PRIM2: variants seen among roughly 807,000 people sequenced by gnomAD.
The protein encoded by PRIM2 is DNA primase subunit 2, also known as DNA primase large subunit.
Under a neutral mutation model 67.3 loss-of-function variants are expected in PRIM2, and 39 were observed. The observed-to-expected ratio is 0.58, with a 90% CI of 0.45 to 0.76. The LOEUF (loss-of-function observed/expected upper bound fraction) is 0.76. Among genes scored for constraint, PRIM2 ranks in the 30% least tolerant of loss-of-function variants. PRIM2 has a pLI of 0.00. For missense variants in PRIM2, 398 were observed against 598.7 expected (o/e 0.66, Z 3.50); for synonymous variants, 143 against 198.7 (o/e 0.72, Z 2.36).
the PRIM2 span, among the ~76,000 whole-genome samples, chr6:57,251,642 G>A: frequency 6.6e-6 from 1 of 152,076 alleles, no homozygotes; most frequent in South Asian, 2.1e-4. Flanking sequence ...TGTGGGTTGG[G>A]GCCATTTATA....
At chr6:57,298,458 C>T in the PRIM2 span, among the ~76,000 whole-genome samples, 10 of 151,884 alleles carry the variant, frequency 6.6e-5, no homozygotes, top group South Asian at 2.1e-4. Context: ...GAGGGAATGA[C>T]GAGAACAAAG....
At chr6:57,556,933 C>CA (rs1157012977) in intron 10 of PRIM2, among the ~76,000 whole-genome samples, 8 of 141,416 alleles carry the variant, frequency 5.7e-5, no homozygotes, top group South Asian at 2.3e-4. Context: ...AAAAGAAAAA[C>CA]AAAAAAAAGT....
chr6:57,525,073 C>T (rs1774718047), intron 8 of PRIM2, among the ~76,000 whole-genome samples: 1 of 151,922 alleles, frequency 6.6e-6, no homozygotes, highest in Non-Finnish European at 1.5e-5. Context: ...CCCCTGCCCA[C>T]CTGCCTTTGC....
At chr6:57,326,135 C>G (rs1317559777) in intron 5 of PRIM2, 90 bp downstream of exon 5, 3 of 1,415,842 alleles carry the variant, frequency 2.1e-6, no homozygotes, top group Non-Finnish European at 2.9e-6. Flanking sequence ...GTAGTGTGTT[C>G]TCTTTACATT....
At chr6:57,487,946 A>C (rs1773792107) in intron 7 of PRIM2, among the ~76,000 whole-genome samples, 1 of 152,178 alleles carries the variant, frequency 6.6e-6, no homozygotes, top group South Asian at 2.1e-4. Flanking sequence ...TGTTCCCTTC[A>C]TTTATTAATT....
At chr6:57,388,461 T>C (rs1770223401) in intron 7 of PRIM2, among the ~76,000 whole-genome samples, 1 of 152,186 alleles carries the variant, frequency 6.6e-6, no homozygotes, top group African/African-American at 2.4e-5. Flanking sequence ...AGCATAATGA[T>C]GATGATGATG....
intron 7 of PRIM2, among the ~76,000 whole-genome samples, chr6:57,464,289 T>C (rs1773111191): frequency 1.3e-5 from 2 of 151,324 alleles, no homozygotes; most frequent in Non-Finnish European, 3.0e-5. Context: ...CCTTTTCTTT[T>C]CCCCCCGAGA....
chr6:57,646,255 A>T lies in PRIM2; in HGVS notation c.*97A>T. The T allele has an allele frequency of 1.6e-6, 1 of 634,802 alleles. No individual in the cohort carries two copies. The highest frequency in any genetic ancestry group is 2.8e-6 in the Non-Finnish European group (1 of 360,242). The allele number at this position is 634,802 out of a possible 1,614,324, so 39.3% of individuals were successfully genotyped here. ...GGGTTTCACTCTGTCACCAAGGCTT[A>T]GTGCAGTGACACAATTACAGCTGAT... On this transcript the variant is annotated 3_prime_UTR_variant, in exon 14 of 14. Coordinates refer to ENST00000615550, the MANE Select transcript of PRIM2 (RefSeq NM_000947.5).
intron 7 of PRIM2, among the ~76,000 whole-genome samples, chr6:57,399,820 T>C (rs1770646040): frequency 2.6e-5 from 4 of 152,178 alleles, no homozygotes; most frequent in African/African-American, 9.7e-5. Flanking sequence ...CATGTGTCTT[T>C]TGGCTGCATA....
At chr6:57,418,103 C>T (rs1581886533) in intron 7 of PRIM2, among the ~76,000 whole-genome samples, 1 of 151,930 alleles carries the variant, frequency 6.6e-6, no homozygotes, top group African/African-American at 2.4e-5. Flanking sequence ...TTAAAAAATG[C>T]CTCAACAAAC....
intron 7 of PRIM2, among the ~76,000 whole-genome samples, chr6:57,447,795 T>TA (rs1772413096): frequency 6.6e-6 from 1 of 152,212 alleles, no homozygotes; most frequent in Admixed American, 6.5e-5. Context: ...GAAGAAATGT[T>TA]AGAGAATTAG....
At chr6:57,463,454 T>G (rs2127398337) in intron 7 of PRIM2, among the ~76,000 whole-genome samples, 1 of 152,286 alleles carries the variant, frequency 6.6e-6, no homozygotes, top group Non-Finnish European at 1.5e-5. Flanking sequence ...ATTATACTAC[T>G]GCAGCCCAGC....
chr6:57,468,170 A>C (rs2127400589), intron 7 of PRIM2, among the ~76,000 whole-genome samples: 2 of 152,286 alleles, frequency 1.3e-5, no homozygotes, highest in South Asian at 4.1e-4. Context: ...ACTATGTTGA[A>C]TAGGAATGGT....
chr6:57,535,886 A>G (rs1312461625), intron 9 of PRIM2, among the ~76,000 whole-genome samples: 10 of 152,178 alleles, frequency 6.6e-5, no homozygotes, highest in Non-Finnish European at 1.5e-4. Flanking sequence ...AAAAGAAGAA[A>G]AAAAAAGAAA....
intron 7 of PRIM2, among the ~76,000 whole-genome samples, chr6:57,500,363 A>G (rs1242221226): frequency 1.3e-5 from 2 of 152,206 alleles, no homozygotes; most frequent in Non-Finnish European, 1.5e-5. Flanking sequence ...ACACAAATGT[A>G]TGCAAAATAG....
intron 10 of PRIM2, among the ~76,000 whole-genome samples, chr6:57,576,780 G>A (rs2127483386): frequency 7.5e-6 from 1 of 134,180 alleles, no homozygotes; most frequent in East Asian, 2.0e-4. Context: ...ATGGTTTAAT[G>A]TTGCAAATTG....
intron 8 of PRIM2, among the ~76,000 whole-genome samples, chr6:57,525,188 C>T (rs1178484380): frequency 2.6e-5 from 4 of 152,048 alleles, no homozygotes; most frequent in African/African-American, 9.7e-5. Context: ...TGTGATAACC[C>T]TTCAGATCCT....
chr6:57,624,704 T>C (rs1352666854), intron 12 of PRIM2, among the ~76,000 whole-genome samples: 1 of 152,242 alleles, frequency 6.6e-6, no homozygotes, highest in Non-Finnish European at 1.5e-5. Flanking sequence ...TTCCATTTAC[T>C]GTTCAAGACA....
the PRIM2 span, among the ~76,000 whole-genome samples, chr6:57,285,967 A>G: frequency 2.6e-5 from 4 of 152,160 alleles, no homozygotes; most frequent in Admixed American, 2.6e-4. Flanking sequence ...CAAATAATAG[A>G]CAAACAAAGA....
Sources: gnomAD v4.1 joint callset for allele counts (sites outside exome capture counted in the v4.1 genomes callset) on GRCh38, gnomAD v4.1.1 for gene constraint, MANE v1.5 for transcripts, NCBI Gene and HGNC (gene_info 2026-07-23, HGNC 2026-07-21) for gene names.